The following GALNTL6 variants were observed in gnomAD, a reference collection of about 807,000 sequenced individuals.
The protein encoded by GALNTL6 is polypeptide N-acetylgalactosaminyltransferase like 6, also known as polypeptide N-acetylgalactosaminyltransferase-like 6.
Under a neutral mutation model 73.7 loss-of-function variants are expected in GALNTL6, and 46 were observed. The observed-to-expected ratio is 0.62, with a 90% CI of 0.49 to 0.80. The LOEUF is 0.80. Among genes scored for constraint, GALNTL6 ranks in the 30% least tolerant of loss-of-function variants. GALNTL6 has a pLI of 0.00. For missense variants in GALNTL6, 604 were observed against 755.0 expected, an observed-to-expected ratio of 0.80 and a Z score of 2.34; for synonymous variants, 259 against 263.7, an observed-to-expected ratio of 0.98 and a Z score of 0.17.
At chr4:172,101,411 T>C (rs1732515919) in intron 2 of GALNTL6, among the ~76,000 whole-genome samples, 1 of 152,222 alleles carries the variant, frequency 6.6e-6, no homozygotes, top group African/African-American at 2.4e-5. Flanking sequence ...GCATTACTGT[T>C]CTAACATTCT....
intron 4 of GALNTL6, among the ~76,000 whole-genome samples, chr4:172,336,882 G>C (rs559200254): frequency 6.6e-6 from 1 of 152,270 alleles, no homozygotes; most frequent in Admixed American, 6.5e-5. Flanking sequence ...TTGTATGACT[G>C]TGTCTTTTTG....
intron 2 of GALNTL6, among the ~76,000 whole-genome samples, chr4:172,015,531 G>C (rs1184812712): frequency 6.6e-6 from 1 of 151,962 alleles, no homozygotes; most frequent in African/African-American, 2.4e-5. Flanking sequence ...TGAAGCATTT[G>C]GACCACTTAC....
intron 10 of GALNTL6, among the ~76,000 whole-genome samples, chr4:172,977,017 CT>C (rs1444299557): frequency 6.6e-6 from 1 of 152,178 alleles, no homozygotes; most frequent in Non-Finnish European, 1.5e-5. Flanking sequence ...CATTGGAAAC[CT>C]CTTTATTGAT....
intron 2 of GALNTL6, among the ~76,000 whole-genome samples, chr4:171,997,684 CT>C (rs1301370609): frequency 6.6e-6 from 1 of 152,066 alleles, no homozygotes; most frequent in African/African-American, 2.4e-5. Context: ...CTGTAGTAGA[CT>C]TTCTTTCATA....
Position 171,907,024 on chromosome 4 carries a change from C to G in GALNTL6, c.138+92306C>G, listed in dbSNP as rs1737305872. Among the ~76,000 whole-genome samples the G allele has an allele frequency of 3.9e-5, 6 of 151,910 alleles. No individual in the cohort carries two copies. In the South Asian group the frequency reaches 1.2e-3, roughly 32 times the overall value. ...ATAATAAGAGCTATCTATGACAAAC[C>G]CACAGCCAATATCATACTGAATGGG... On this transcript the variant is annotated intron_variant, in intron 2 of 12. Transcript: ENST00000506823.
At chr4:172,137,645 C>T (rs1733673516) in intron 2 of GALNTL6, among the ~76,000 whole-genome samples, 2 of 152,018 alleles carry the variant, frequency 1.3e-5, no homozygotes, top group African/African-American at 2.4e-5. Flanking sequence ...AGAAAAAAAG[C>T]CAAAAAACTA....
intron 2 of GALNTL6, among the ~76,000 whole-genome samples, chr4:172,117,225 G>A (rs1190889826): frequency 2.6e-5 from 4 of 152,042 alleles, no homozygotes; most frequent in South Asian, 2.1e-4. Context: ...TTTTTCAGTC[G>A]TGTTTTATCT....
chr4:172,178,706 C>G, intron 2 of GALNTL6, among the ~76,000 whole-genome samples: 1 of 135,300 alleles, frequency 7.4e-6, no homozygotes, highest in Admixed American at 7.8e-5. Flanking sequence ...GCACATTGTG[C>G]AGGTTAGTTA....
At chr4:172,500,629 GA>G (rs532696688) in intron 5 of GALNTL6, among the ~76,000 whole-genome samples, 5 of 147,406 alleles carry the variant, frequency 3.4e-5, no homozygotes, top group Non-Finnish European at 6.0e-5. Flanking sequence ...TAATGTTCAG[GA>G]AAAAAAAATC....
intron 2 of GALNTL6, among the ~76,000 whole-genome samples, chr4:171,937,108 A>G (rs1160142755): frequency 1.3e-5 from 2 of 152,132 alleles, no homozygotes. Flanking sequence ...CTCCTTCTCT[A>G]TTATCTGTAC....
intron 2 of GALNTL6, among the ~76,000 whole-genome samples, chr4:172,118,939 T>G (rs1220764897): frequency 6.6e-6 from 1 of 152,004 alleles, no homozygotes; most frequent in Non-Finnish European, 1.5e-5. Context: ...ATTTCCTGTA[T>G]GTGTGAGATA....
At chr4:172,652,208 C>T (rs946953414) in intron 5 of GALNTL6, among the ~76,000 whole-genome samples, 3 of 152,212 alleles carry the variant, frequency 2.0e-5, no homozygotes, top group Non-Finnish European at 4.4e-5. Flanking sequence ...CATTTTACAA[C>T]AGTCAGTTGC....
intron 2 of GALNTL6, among the ~76,000 whole-genome samples, chr4:172,187,057 A>G (rs186789856): frequency 6.6e-6 from 1 of 152,238 alleles, no homozygotes; most frequent in African/African-American, 2.4e-5. Flanking sequence ...TATTAGTCAC[A>G]AGTCATATAT....
intron 9 of GALNTL6, among the ~76,000 whole-genome samples, chr4:172,933,329 C>G (rs1394284487): frequency 6.6e-6 from 1 of 151,944 alleles, no homozygotes; most frequent in Non-Finnish European, 1.5e-5. Flanking sequence ...TAAAAGCTTG[C>G]AGGGGAATGC....
rs1291220871 is a variant in GALNTL6 at position 172,539,977 on chromosome 4, T to G, written c.553+191288T>G. Among the ~76,000 whole-genome samples, 14 of 148,074 alleles carry G rather than the reference T, an allele frequency of 9.5e-5. 1 individual carries two copies. In the Admixed American group the frequency reaches 9.5e-4, roughly 10 times the overall value. ...TCAGTGTCCCCATTATAGACATGAA[T>G]AAACTTGGGGTTAGAAACTTTAGGT... On this transcript the variant is annotated intron_variant, in intron 5 of 12. Transcript: ENST00000506823.
chr4:172,555,073 C>T (rs1419379586), intron 5 of GALNTL6, among the ~76,000 whole-genome samples: 1 of 152,130 alleles, frequency 6.6e-6, no homozygotes, highest in Admixed American at 6.5e-5. Flanking sequence ...GTTATCTTTG[C>T]AGGTGTACAA....
intron 5 of GALNTL6, among the ~76,000 whole-genome samples, chr4:172,530,950 GCAAGAATCACCTGAATGTAGATTTT>G: frequency 1.0e-4 from 1 of 9,738 alleles, no homozygotes; most frequent in South Asian, 0.015. Flanking sequence ...TGTGTTATAA[GCAAGAATCACCTGAATGTAGATTTT>G]ATAATGAAAA....
intron 2 of GALNTL6, among the ~76,000 whole-genome samples, chr4:172,154,302 C>T (rs141868921): frequency 0.01 from 1,532 of 152,000 alleles, 25 homozygotes; most frequent in African/African-American, 0.035. Context: ...GCGCGATCTC[C>T]GCTCACCACA....
intron 5 of GALNTL6, among the ~76,000 whole-genome samples, chr4:172,684,628 A>C (rs1453970509): frequency 6.6e-6 from 1 of 152,168 alleles, no homozygotes; most frequent in African/African-American, 2.4e-5. Flanking sequence ...AATTGGGGAG[A>C]ATGCTAAAGG....
Sources: gnomAD v4.1 joint callset for allele counts (sites outside exome capture counted in the v4.1 genomes callset) on GRCh38, gnomAD v4.1.1 for gene constraint, MANE v1.5 for transcripts, NCBI Gene and HGNC (gene_info 2026-07-23, HGNC 2026-07-21) for gene names.